Variants in KIF6 observed in about 807,000 individuals in gnomAD.
KIF6 encodes the protein kinesin-like protein KIF6.
In KIF6, 106 loss-of-function variants were observed where a neutral mutation model predicts 112.7. That is an observed-to-expected ratio of 0.94 (90% confidence interval 0.80 to 1.11). The LOEUF is 1.11. Among genes scored for constraint, KIF6 ranks in the 50% least tolerant of loss-of-function variants. The pLI, the probability that KIF6 is intolerant of heterozygous loss-of-function variation, is 0.00. For missense variants in KIF6, 929 were observed against 964.0 expected (o/e 0.96, Z 0.48); for synonymous variants, 339 against 339.9 (o/e 1.00, Z 0.03).
chr6:39,362,524 G>A lies in KIF6; in HGVS notation c.1862-6C>T, dbSNP rs765954644. The A allele has an allele frequency of 1.9e-6, 3 of 1,602,648 alleles. No homozygotes were observed. Among genetic ancestry groups the A allele is most frequent in the Non-Finnish European group, 1.7e-6 (2 of 1,169,458 alleles). On this transcript the variant is annotated splice_region_variant and splice_polypyrimidine_tract_variant and intron_variant, in intron 16 of 22. Transcript: ENST00000287152. Reference sequence around the variant, plus strand: ...GGCCATGTTTTCCGAGATTCCTGTAGAAGGAAGGTGCCAATGGGATGGTGA... The same window carrying A: ...GGCCATGTTTTCCGAGATTCCTGTAAAAGGAAGGTGCCAATGGGATGGTGA...
chr6:39,676,407 G>T (rs1373364388), intron 3 of KIF6, among the ~76,000 whole-genome samples: 3 of 152,018 alleles, frequency 2.0e-5, no homozygotes, highest in Non-Finnish European at 4.4e-5. Context: ...AATAATGAAA[G>T]AGTTAATCAT....
intron 10 of KIF6, among the ~76,000 whole-genome samples, chr6:39,548,940 G>T (rs546931466): frequency 6.6e-6 from 1 of 152,278 alleles, no homozygotes; most frequent in South Asian, 2.1e-4. Context: ...AAAGAGAAAA[G>T]AAATACACAC....
intron 18 of KIF6, among the ~76,000 whole-genome samples, chr6:39,357,911 C>T (rs984524644): frequency 1.3e-5 from 2 of 152,320 alleles, no homozygotes; most frequent in Middle Eastern, 3.4e-3. Context: ...ATTCTTTATG[C>T]TTTCCTGTGC....
At chr6:39,397,996 T>G (rs769187969) in intron 15 of KIF6, among the ~76,000 whole-genome samples, 6 of 152,178 alleles carry the variant, frequency 3.9e-5, no homozygotes, top group Non-Finnish European at 8.8e-5. Context: ...AGGTTGAATC[T>G]TTAGGGGAGA....
chr6:39,664,630 A>G (rs1198413958), intron 3 of KIF6, among the ~76,000 whole-genome samples: 2 of 152,190 alleles, frequency 1.3e-5, no homozygotes, highest in Admixed American at 1.3e-4. Flanking sequence ...CTGGAAGACA[A>G]AAAATAGCTA....
intron 6 of KIF6, among the ~76,000 whole-genome samples, chr6:39,601,637 G>T (rs1318166048): frequency 1.3e-5 from 2 of 151,862 alleles, no homozygotes; most frequent in African/African-American, 4.8e-5. Flanking sequence ...AATATTGCCA[G>T]TAAATAGCAC....
chr6:39,647,934 C>T (rs964767550), intron 3 of KIF6, among the ~76,000 whole-genome samples: 1 of 151,796 alleles, frequency 6.6e-6, no homozygotes, highest in Admixed American at 6.6e-5. Flanking sequence ...TGGTCTTGAA[C>T]TCCTGAACTC....
At chr6:39,413,404 A>C (rs1259832864) in intron 15 of KIF6, among the ~76,000 whole-genome samples, 1 of 152,084 alleles carries the variant, frequency 6.6e-6, no homozygotes, top group Non-Finnish European at 1.5e-5. Context: ...TATTCCTTAA[A>C]AATTTTGTTC....
At chr6:39,383,119 G>A (rs9471087) in intron 16 of KIF6, among the ~76,000 whole-genome samples, 35,300 of 151,438 alleles carry the variant, frequency 0.23, 5,695 homozygotes, top group African/African-American at 0.45. Context: ...TAGGTTGTCT[G>A]TTTACTCTGT....
At chr6:39,690,302 G>A (rs946990000) in intron 3 of KIF6, 10 of 152,042 alleles carry the variant, frequency 6.6e-5, no homozygotes, top group Admixed American at 2.0e-4. Context: ...GCAAAGTAAC[G>A]ATGTCAATGG....
chr6:39,608,714 C>T (rs1449684563), intron 6 of KIF6, among the ~76,000 whole-genome samples: 1 of 152,190 alleles, frequency 6.6e-6, no homozygotes, highest in East Asian at 1.9e-4. Flanking sequence ...CACACACACA[C>T]ACAAAATGTT....
At chr6:39,693,363 C>A (rs2113810348) in intron 3 of KIF6, among the ~76,000 whole-genome samples, 1 of 152,264 alleles carries the variant, frequency 6.6e-6, no homozygotes, top group Non-Finnish European at 1.5e-5. Context: ...TCTCTAGTAA[C>A]AAAACCCCAG....
At position 39,533,221 on chromosome 6, in the gene KIF6, G is replaced by A. The variant is rs1470669225; in HGVS notation, c.1645+6782C>T. 2.6e-5 allele frequency among the ~76,000 whole-genome samples: 4 copies of A among 152,332 alleles called. No individual in the cohort carries two copies. In the East Asian group the frequency reaches 5.8e-4, roughly 22 times the overall value. On this transcript the variant is annotated intron_variant, in intron 13 of 22. Transcript: ENST00000287152. Reference sequence around the variant, plus strand: ...AGCAGGGCAAGGCATTGCCTCACTCGGGAAGCGCAAGGGGTCAGGGAGTTC... The same window carrying A: ...AGCAGGGCAAGGCATTGCCTCACTCAGGAAGCGCAAGGGGTCAGGGAGTTC...
At chr6:39,584,465 A>G (rs867464952) in intron 9 of KIF6, among the ~76,000 whole-genome samples, 35 of 127,794 alleles carry the variant, frequency 2.7e-4, no homozygotes, top group Middle Eastern at 4.7e-3. Flanking sequence ...AAAAAAGACT[A>G]TTATTGTCTC....
At chr6:39,543,387 T>G (rs200333637) in intron 12 of KIF6, among the ~76,000 whole-genome samples, 97 of 151,202 alleles carry the variant, frequency 6.4e-4, no homozygotes, top group African/African-American at 2.3e-3. Flanking sequence ...TGTGTGTGGG[T>G]GGGGGGGGAT....
intron 8 of KIF6, among the ~76,000 whole-genome samples, chr6:39,586,015 TA>T (rs1440544522): frequency 2.4e-4 from 37 of 152,332 alleles, no homozygotes; most frequent in Admixed American, 1.7e-3. Context: ...AAAATCTGTG[TA>T]TGAGGCTTCT....
intron 13 of KIF6, among the ~76,000 whole-genome samples, chr6:39,537,914 A>G (rs1220317694): frequency 6.6e-6 from 1 of 152,240 alleles, no homozygotes; most frequent in African/African-American, 2.4e-5. Context: ...ATAATGCCGC[A>G]TACCTACAAC....
At chr6:39,424,586 G>A (rs13211732) in intron 14 of KIF6, among the ~76,000 whole-genome samples, 1 of 152,238 alleles carries the variant, frequency 6.6e-6, no homozygotes, top group Non-Finnish European at 1.5e-5. Context: ...GGAAGTCAGA[G>A]TAGGACCAAA....
chr6:39,338,039 C>T (rs945631826), intron 22 of KIF6, among the ~76,000 whole-genome samples: 11 of 152,142 alleles, frequency 7.2e-5, no homozygotes, highest in African/African-American at 1.7e-4. Flanking sequence ...CAAAACCTGT[C>T]GATTCATTAG....
Sources: gnomAD v4.1 joint callset for allele counts (sites outside exome capture counted in the v4.1 genomes callset) on GRCh38, gnomAD v4.1.1 for gene constraint, MANE v1.5 for transcripts, NCBI Gene and HGNC (gene_info 2026-07-23, HGNC 2026-07-21) for gene names.